The following GRIA4 variants were observed in gnomAD, a reference collection of about 807,000 sequenced individuals.
GRIA4 encodes glutamate ionotropic receptor AMPA type subunit 4.
Under a neutral mutation model 104.0 loss-of-function variants are expected in GRIA4, and 34 were observed. The ratio of observed to expected loss-of-function variants is 0.33; its 90% CI spans 0.25 to 0.44. The LOEUF (loss-of-function observed/expected upper bound fraction) is 0.44. Ranked by LOEUF, GRIA4 falls within the 20% of genes least tolerant of loss-of-function variation. The pLI is 1.00. For synonymous variants in GRIA4, 386 were observed against 381.9 expected, an observed-to-expected ratio of 1.01 and a Z score of -0.13; for missense variants, 750 against 1,096.5, an observed-to-expected ratio of 0.68 and a Z score of 4.46.
chr11:105,882,706 G>A (rs1946109462), intron 5 of GRIA4, among the ~76,000 whole-genome samples: 1 of 152,100 alleles, frequency 6.6e-6, no homozygotes, highest in Non-Finnish European at 1.5e-5. Context: ...TTCCCCTTAT[G>A]AGATAATAAA....
chr11:105,781,729 A>T (rs1369675774), intron 4 of GRIA4, among the ~76,000 whole-genome samples: 1 of 152,166 alleles, frequency 6.6e-6, no homozygotes, highest in South Asian at 2.1e-4. Flanking sequence ...AGACACAAAA[A>T]TATGCAGTGC....
intron 4 of GRIA4, among the ~76,000 whole-genome samples, chr11:105,839,132 T>G (rs1487127731): frequency 6.6e-6 from 1 of 152,106 alleles, no homozygotes; most frequent in African/African-American, 2.4e-5. Context: ...TCTGACATTA[T>G]GAAGACATAC....
At chr11:105,812,502 C>T (rs1382841595) in intron 4 of GRIA4, among the ~76,000 whole-genome samples, 1 of 152,120 alleles carries the variant, frequency 6.6e-6, no homozygotes, top group Non-Finnish European at 1.5e-5. Flanking sequence ...AGGAAATTAA[C>T]ATAACTTTTA....
intron 4 of GRIA4, among the ~76,000 whole-genome samples, chr11:105,754,958 TC>T (rs1435056087): frequency 1.3e-5 from 2 of 152,220 alleles, no homozygotes; most frequent in South Asian, 2.1e-4. Context: ...CAGAAAATTT[TC>T]CTTTGGCTTG....
chr11:105,611,196 C>A, intron 2 of GRIA4, 111 bp downstream of exon 2: 2 of 763,098 alleles, frequency 2.6e-6, no homozygotes, highest in Non-Finnish European at 4.7e-6. Context: ...CAGTTCCCTT[C>A]CCCTCTGTTT....
At position 105,678,161 on chromosome 11, in the gene GRIA4, T is replaced by C. The variant is rs987192068; in HGVS notation, c.247+65727T>C. ...ACTTTTAAAAAGATTGTACTATATG[T>C]ATTTCATATCTGAGAGCAAGTTATA... On this transcript the variant is annotated intron_variant, in intron 3 of 16. Transcript: ENST00000282499. 3.9e-5 allele frequency among the ~76,000 whole-genome samples: 6 copies of C among 152,080 alleles called. No individual in the cohort carries two copies. The South Asian group carries it at 1.2e-3, about 31-fold the overall frequency.
intron 3 of GRIA4, among the ~76,000 whole-genome samples, chr11:105,624,933 A>G (rs1302369130): frequency 1.3e-5 from 2 of 152,116 alleles, no homozygotes; most frequent in Non-Finnish European, 2.9e-5. Flanking sequence ...GCATACAAGT[A>G]TTACATATAG....
rs192345356 is a variant in GRIA4, at chr11:105,752,777, A to G, written c.248-204A>G. Among the ~76,000 whole-genome samples, 12 of 152,294 alleles carry G rather than the reference A, an allele frequency of 7.9e-5. No individual in the cohort carries two copies. In the East Asian group the frequency reaches 1.9e-3, roughly 25 times the overall value. ...TTTTAATTCAGACCAGCTTCACTCAATGTAAGCCTTTGAGTACAAGCTCAA... is the reference window on the plus strand; with the variant it reads ...TTTTAATTCAGACCAGCTTCACTCAGTGTAAGCCTTTGAGTACAAGCTCAA... On this transcript the variant is annotated intron_variant, in intron 3 of 16. Transcript: ENST00000282499.
At chr11:105,793,080 T>A (rs1277546240) in intron 4 of GRIA4, among the ~76,000 whole-genome samples, 1 of 152,180 alleles carries the variant, frequency 6.6e-6, no homozygotes. Context: ...GCTAATCTCA[T>A]AATTTCATTT....
chr11:105,814,533 C>T (rs901805241), intron 4 of GRIA4, among the ~76,000 whole-genome samples: 6 of 152,002 alleles, frequency 3.9e-5, no homozygotes, highest in African/African-American at 1.2e-4. Context: ...AATTTCAGTC[C>T]TTTGATTTGT....
chr11:105,975,046 G>T (rs1171008400), intron 16 of GRIA4: 2 of 153,980 alleles, frequency 1.3e-5, no homozygotes, highest in Admixed American at 6.4e-5. Flanking sequence ...TGTGCTCAAT[G>T]AATTTTGGCT....
At chr11:105,623,124 G>A (rs1032872881) in intron 3 of GRIA4, among the ~76,000 whole-genome samples, 1 of 146,942 alleles carries the variant, frequency 6.8e-6, no homozygotes, top group African/African-American at 2.5e-5. Flanking sequence ...TCCAGTGATG[G>A]ACACTTAGAT....
intron 14 of GRIA4, among the ~76,000 whole-genome samples, chr11:105,970,876 T>A (rs116839368): frequency 4.5e-4 from 69 of 152,308 alleles, no homozygotes; most frequent in African/African-American, 1.6e-3. Flanking sequence ...TATTGTAATA[T>A]GGGAGTGAAA....
intron 3 of GRIA4, among the ~76,000 whole-genome samples, chr11:105,708,765 A>G (rs1953801271): frequency 2.6e-5 from 4 of 152,050 alleles, no homozygotes; most frequent in Admixed American, 2.6e-4. Flanking sequence ...AATAAAAAAA[A>G]GAGGAAAGGC....
intron 10 of GRIA4, chr11:105,913,649 C>G (rs681156): frequency 0.48 from 84,760 of 178,180 alleles, 20,352 homozygotes; most frequent in Admixed American, 0.51. Context: ...AGGGAGGGTG[C>G]TGTTTTCCTC....
intron 3 of GRIA4, among the ~76,000 whole-genome samples, chr11:105,726,601 G>C (rs548746692): frequency 1.3e-5 from 2 of 152,262 alleles, no homozygotes; most frequent in East Asian, 3.9e-4. Flanking sequence ...ACACCTCCCA[G>C]CAGGGGTCAA....
intron 14 of GRIA4, among the ~76,000 whole-genome samples, chr11:105,942,250 CA>C (rs930034910): frequency 6.6e-6 from 1 of 150,672 alleles, no homozygotes; most frequent in Non-Finnish European, 1.5e-5. Flanking sequence ...AGGACTAAAA[CA>C]AAAAAAACAG....
chr11:105,971,141 C>A (rs143254921), intron 14 of GRIA4, among the ~76,000 whole-genome samples: 89 of 152,114 alleles, frequency 5.9e-4, no homozygotes, highest in African/African-American at 2.1e-3. Context: ...AGTCACTTCA[C>A]CTTGTACTTA....
At position 105,979,923 on chromosome 11, in the gene GRIA4, C is replaced by G; in HGVS notation, c.*184C>G. ...CGTGTGCATGAGCTCAGCTCGGAAA[C>G]CCAAACTCAGATTTTATATCAGGAA... On this transcript the variant is annotated 3_prime_UTR_variant, in exon 17 of 17. Coordinates refer to ENST00000282499, the MANE Select transcript of GRIA4 (RefSeq NM_000829.4). 1 of 490,932 alleles carries G rather than the reference C, an allele frequency of 2.0e-6. No individual in the cohort carries two copies. The allele number at this position is 490,932 out of a possible 1,614,324, so 30.4% of individuals were successfully genotyped here.
Sources: gnomAD v4.1 joint callset for allele counts (sites outside exome capture counted in the v4.1 genomes callset) on GRCh38, gnomAD v4.1.1 for gene constraint, MANE v1.5 for transcripts, NCBI Gene and HGNC (gene_info 2026-07-23, HGNC 2026-07-21) for gene names.